UNC13C: variants seen among roughly 807,000 people sequenced by gnomAD.
The protein encoded by UNC13C is protein unc-13 homolog C.
UNC13C carries 174 observed loss-of-function variants against 245.4 expected under a neutral mutation model. That is an observed-to-expected ratio of 0.71 (90% CI 0.63 to 0.80). UNC13C has a LOEUF of 0.80. Ranked by LOEUF, UNC13C falls within the 30% of genes least tolerant of loss-of-function variation. UNC13C has a pLI of 0.00. For missense variants in UNC13C, 2,829 were observed against 2,602.9 expected (o/e 1.09, Z -1.89); for synonymous variants, 992 against 895.1 (o/e 1.11, Z -1.93).
At chr15:54,471,259 A>G (rs1036656759) in intron 19 of UNC13C, among the ~76,000 whole-genome samples, 5 of 151,302 alleles carry the variant, frequency 3.3e-5, no homozygotes, top group Admixed American at 6.6e-5. Context: ...TGATTTCTCT[A>G]TTTGGGTTAT....
chr15:54,061,142 A>T (rs1241323384), intron 2 of UNC13C, among the ~76,000 whole-genome samples: 6 of 151,820 alleles, frequency 4.0e-5, no homozygotes, highest in South Asian at 2.1e-4. Context: ...AAGGAATCTA[A>T]ATTTAAAAAA....
At position 54,105,006 on chromosome 15, in the gene UNC13C, G is replaced by A. The variant is rs1203617311; in HGVS notation, c.2984-38012G>A. Among the ~76,000 whole-genome samples, 4 of 152,256 alleles carry A rather than the reference G, an allele frequency of 2.6e-5. No individual in the cohort carries two copies. The South Asian group carries it at 8.3e-4, about 32-fold the overall frequency. ...CACTTTCTGGAAATCTCATCTCTAA[G>A]GCTCTTCACTTTGTCTGGAGGAAAA... On this transcript the variant is annotated intron_variant, in intron 2 of 32. Transcript: ENST00000260323.
At chr15:53,946,145 A>C in the UNC13C span, among the ~76,000 whole-genome samples, 1 of 152,100 alleles carries the variant, frequency 6.6e-6, no homozygotes, top group African/African-American at 2.4e-5. Context: ...GGCCAAGGCT[A>C]TGGGGTTTTC....
the UNC13C span, among the ~76,000 whole-genome samples, chr15:53,898,421 C>G: frequency 6.6e-6 from 1 of 152,130 alleles, no homozygotes; most frequent in Non-Finnish European, 1.5e-5. Context: ...TACACACACA[C>G]ACACACACAA....
intron 2 of UNC13C, among the ~76,000 whole-genome samples, chr15:54,131,864 A>G (rs16974125): frequency 0.38 from 57,002 of 151,780 alleles, 10,794 homozygotes; most frequent in African/African-American, 0.4. Context: ...TCAAGCTTCA[A>G]TGCCTTTTGA....
chr15:54,209,208 T>A (rs925399866), intron 4 of UNC13C, among the ~76,000 whole-genome samples: 1 of 152,022 alleles, frequency 6.6e-6, no homozygotes, highest in East Asian at 1.9e-4. Flanking sequence ...ATGGGGTAAA[T>A]GTCTTAGAAA....
At chr15:54,132,729 A>G (rs2031503200) in intron 2 of UNC13C, among the ~76,000 whole-genome samples, 1 of 152,244 alleles carries the variant, frequency 6.6e-6, no homozygotes, top group Non-Finnish European at 1.5e-5. Flanking sequence ...CATACTACAC[A>G]TGTATCAAAG....
chr15:54,019,834 C>A (rs1895816226), intron 2 of UNC13C, among the ~76,000 whole-genome samples: 1 of 152,102 alleles, frequency 6.6e-6, no homozygotes, highest in Non-Finnish European at 1.5e-5. Context: ...ATCTGGAAAG[C>A]TTTTGTAGTA....
chr15:54,093,268 G>A (rs1450615978), intron 2 of UNC13C, among the ~76,000 whole-genome samples: 4 of 151,062 alleles, frequency 2.6e-5, no homozygotes, highest in African/African-American at 7.3e-5. Context: ...TATGTTTAAC[G>A]GGCTTAATCA....
intron 17 of UNC13C, among the ~76,000 whole-genome samples, chr15:54,380,401 C>G (rs1444250925): frequency 6.6e-6 from 1 of 152,132 alleles, no homozygotes; most frequent in Admixed American, 6.6e-5. Context: ...GATTCCATAT[C>G]TTGGCTATTG....
At chr15:54,463,865 G>C (rs950174721) in intron 19 of UNC13C, among the ~76,000 whole-genome samples, 12 of 152,170 alleles carry the variant, frequency 7.9e-5, no homozygotes, top group African/African-American at 1.2e-4. Context: ...TGACATGACA[G>C]AGGGTAAGAC....
intron 30 of UNC13C, among the ~76,000 whole-genome samples, chr15:54,574,036 T>C (rs1897862189): frequency 6.6e-6 from 1 of 152,170 alleles, no homozygotes. Context: ...TATTTTAAAA[T>C]CCCAATATAG....
At chr15:54,281,868 T>C (rs2037006279) in intron 10 of UNC13C, among the ~76,000 whole-genome samples, 1 of 152,226 alleles carries the variant, frequency 6.6e-6, no homozygotes. Flanking sequence ...TTTTATTTTT[T>C]TTCTTGTTAA....
intron 30 of UNC13C, among the ~76,000 whole-genome samples, chr15:54,570,907 T>C (rs1428197435): frequency 1.3e-5 from 2 of 152,138 alleles, no homozygotes. Context: ...GACAGAGAAA[T>C]ATAGAAAAGT....
At chr15:54,551,977 G>A (rs564273736) in intron 28 of UNC13C, among the ~76,000 whole-genome samples, 1 of 150,870 alleles carries the variant, frequency 6.6e-6, no homozygotes, top group Non-Finnish European at 1.5e-5. Context: ...ATATTAATTT[G>A]AAAGCAGATA....
intron 29 of UNC13C, among the ~76,000 whole-genome samples, chr15:54,561,369 C>T (rs2141207363): frequency 6.6e-6 from 1 of 152,026 alleles, no homozygotes; most frequent in African/African-American, 2.4e-5. Flanking sequence ...TTAAAAATAT[C>T]ATAAAGTTTT....
chr15:54,013,767 T>C lies in UNC13C; in HGVS notation c.864T>C (p.Ile288=). The C allele has an allele frequency of 6.2e-7, 1 of 1,610,708 alleles. No homozygotes were observed. The highest frequency in any genetic ancestry group is 8.5e-7 in the Non-Finnish European group (1 of 1,178,534). The change falls in exon 2 of 33, where the codon ATT becomes ATC. Residue 288 remains isoleucine (I), a synonymous_variant. Coordinates refer to ENST00000260323, the MANE Select transcript of UNC13C (RefSeq NM_001080534.3). ...SSSVEVVQSE[I]EQLRTGFVQS... ...GTGTGGAGGTTGTACAAAGTGAAAT[T>C]GAGCAGTTGCGCACAGGGTTTGTCC...
At chr15:54,388,808 G>A (rs911123324) in intron 17 of UNC13C, among the ~76,000 whole-genome samples, 2 of 151,164 alleles carry the variant, frequency 1.3e-5, no homozygotes, top group African/African-American at 4.9e-5. Context: ...CCATAATTTC[G>A]GCTGCCACAT....
chr15:54,144,489 C>G (rs12910912), intron 4 of UNC13C, among the ~76,000 whole-genome samples: 29,631 of 151,950 alleles, frequency 0.2, 3,056 homozygotes, highest in South Asian at 0.28. Context: ...ACTATTTTGA[C>G]TCTAATTTTA....
Sources: gnomAD v4.1 joint callset for allele counts (sites outside exome capture counted in the v4.1 genomes callset) on GRCh38, gnomAD v4.1.1 for gene constraint, MANE v1.5 for transcripts, NCBI Gene and HGNC (gene_info 2026-07-23, HGNC 2026-07-21) for gene names.